DSCAM: variants seen among roughly 807,000 people sequenced by gnomAD.
DSCAM encodes DS cell adhesion molecule.
In DSCAM, 47 loss-of-function variants were observed where a neutral mutation model predicts 217.7. That is an observed-to-expected ratio of 0.22 (90% CI 0.17 to 0.28). The LOEUF (loss-of-function observed/expected upper bound fraction) is 0.28. DSCAM is among the 10% of genes least tolerant of loss of function. DSCAM has a pLI of 1.00. For missense variants in DSCAM, 2,080 were observed against 2,618.3 expected (o/e 0.79, Z 4.49); for synonymous variants, 1,056 against 1,015.3 (o/e 1.04, Z -0.76).
chr21:40,614,907 C>T (rs576740857), intron 3 of DSCAM, among the ~76,000 whole-genome samples: 1 of 152,172 alleles, frequency 6.6e-6, no homozygotes, highest in Non-Finnish European at 1.5e-5. Context: ...TCTCTATATA[C>T]ACACACTTAT....
intron 1 of DSCAM, among the ~76,000 whole-genome samples, chr21:40,789,617 A>T (rs984773838): frequency 3.3e-4 from 48 of 144,876 alleles, no homozygotes; most frequent in Non-Finnish European, 3.3e-4. Context: ...GTGCAGTGGC[A>T]CCATGTTGGC....
chr21:40,550,655 C>T (rs2076622555), intron 3 of DSCAM, among the ~76,000 whole-genome samples: 1 of 152,202 alleles, frequency 6.6e-6, no homozygotes, highest in Admixed American at 6.5e-5. Context: ...GTGGATATTT[C>T]TCTAGAGTAG....
At chr21:40,484,025 C>T (rs1008600164) in intron 3 of DSCAM, among the ~76,000 whole-genome samples, 3 of 152,162 alleles carry the variant, frequency 2.0e-5, no homozygotes, top group East Asian at 1.9e-4. Context: ...GTTAATTCTA[C>T]GGGGCAGGAT....
chr21:40,752,956 G>GAA (rs2091243019), intron 1 of DSCAM, among the ~76,000 whole-genome samples: 1 of 152,188 alleles, frequency 6.6e-6, no homozygotes, highest in Admixed American at 6.5e-5. Flanking sequence ...AGCAATGGGA[G>GAA]AAAATATGGA....
At position 40,695,925 on chromosome 21, in the gene DSCAM, C is replaced by T. The variant is rs140596579; in HGVS notation, c.362-2969G>A. On this transcript the variant is annotated intron_variant, in intron 2 of 32. Coordinates refer to ENST00000400454, the MANE Select transcript of DSCAM (RefSeq NM_001389.5). ...TCCATAACTTAAGACACCAACATTG[C>T]TGTCTATGGCGATATATCTCTCAGA... Among the ~76,000 whole-genome samples the T allele has an allele frequency of 4.3e-3, 654 of 152,236 alleles. 7 individuals are homozygous for T. Among genetic ancestry groups the T allele is most frequent in the African/African-American group, 0.015 (615 of 41,538 alleles).
chr21:40,721,794 C>T (rs1280591916), intron 1 of DSCAM, among the ~76,000 whole-genome samples: 1 of 151,904 alleles, frequency 6.6e-6, no homozygotes, highest in Admixed American at 6.6e-5. Context: ...TTAATGAACA[C>T]TAGAACCTCA....
At chr21:40,031,191 C>T (rs982084641) in intron 32 of DSCAM, among the ~76,000 whole-genome samples, 2 of 152,170 alleles carry the variant, frequency 1.3e-5, no homozygotes, top group East Asian at 1.9e-4. Context: ...GCCAGTTCCT[C>T]GAGAGGTGGA....
chr21:40,434,481 T>C (rs2075565306), intron 3 of DSCAM, among the ~76,000 whole-genome samples: 1 of 152,150 alleles, frequency 6.6e-6, no homozygotes, highest in Non-Finnish European at 1.5e-5. Flanking sequence ...GGCAAGACCA[T>C]GCACACTACA....
At chr21:40,039,995 C>A (rs1319594247) in intron 32 of DSCAM, among the ~76,000 whole-genome samples, 1 of 152,214 alleles carries the variant, frequency 6.6e-6, no homozygotes, top group Non-Finnish European at 1.5e-5. Flanking sequence ...GCTCTAGGAG[C>A]TGCTAATTGT....
At chr21:40,226,819 G>T (rs1601460633) in intron 11 of DSCAM, among the ~76,000 whole-genome samples, 1 of 152,228 alleles carries the variant, frequency 6.6e-6, no homozygotes, top group East Asian at 1.9e-4. Context: ...TGTCACGGGG[G>T]TTTGTTGTAC....
chr21:40,738,411 C>T (rs905455583), intron 1 of DSCAM, among the ~76,000 whole-genome samples: 2 of 152,104 alleles, frequency 1.3e-5, no homozygotes, highest in Non-Finnish European at 1.5e-5. Context: ...TAAGGACAAT[C>T]CTAACTGTTG....
chr21:40,844,804 C>T (rs2092131173), intron 1 of DSCAM, among the ~76,000 whole-genome samples: 2 of 151,780 alleles, frequency 1.3e-5, no homozygotes, highest in Non-Finnish European at 2.9e-5. Flanking sequence ...TTTTGTCATA[C>T]AAAATGCTAA....
At chr21:40,082,528 A>T (rs969031793) in intron 24 of DSCAM, among the ~76,000 whole-genome samples, 6 of 115,124 alleles carry the variant, frequency 5.2e-5, no homozygotes, top group African/African-American at 2.0e-4. Flanking sequence ...TGTGCTGTGC[A>T]TCTGCAGCTG....
chr21:40,300,275 C>A (rs1456887262), intron 9 of DSCAM, among the ~76,000 whole-genome samples: 3 of 152,208 alleles, frequency 2.0e-5, no homozygotes, highest in African/African-American at 7.2e-5. Flanking sequence ...TCCTGTTCAC[C>A]ATCCATTAAG....
intron 16 of DSCAM, 88 bp downstream of exon 16, chr21:40,167,130 G>A: frequency 1.7e-6 from 2 of 1,155,164 alleles, no homozygotes; most frequent in South Asian, 1.5e-5. Flanking sequence ...TGTAAAATTC[G>A]AGAGTCTTGG....
intron 11 of DSCAM, among the ~76,000 whole-genome samples, chr21:40,192,967 C>A (rs748182021): frequency 5.3e-5 from 8 of 152,102 alleles, no homozygotes; most frequent in Non-Finnish European, 1.0e-4. Flanking sequence ...GGTTATATGG[C>A]AATTTCATGT....
chr21:40,378,835 C>T (rs1012025282), intron 3 of DSCAM, among the ~76,000 whole-genome samples: 6 of 151,780 alleles, frequency 4.0e-5, no homozygotes, highest in Non-Finnish European at 7.4e-5. Context: ...CCTCGTGATC[C>T]GCCCGCCTCG....
rs1414480537 is a variant in DSCAM, at chr21:40,027,237, G to A, written c.5687-13851C>T. 6.9e-4 allele frequency among the ~76,000 whole-genome samples: 105 copies of A among 152,354 alleles called. No homozygotes were observed. In the East Asian group the frequency reaches 0.013, roughly 18 times the overall value. ...TCTTCTGGCTTGTAGGGTTTCTGCC[G>A]AGAGATCCACTGTTAGTCTGATGGG... On this transcript the variant is annotated intron_variant, in intron 32 of 32. Coordinates refer to ENST00000400454, the MANE Select transcript of DSCAM (RefSeq NM_001389.5).
At chr21:40,753,456 G>A (rs890908292) in intron 1 of DSCAM, among the ~76,000 whole-genome samples, 3 of 152,162 alleles carry the variant, frequency 2.0e-5, no homozygotes, top group Admixed American at 6.5e-5. Flanking sequence ...ATTACCTACG[G>A]AAAGATGAAG....
Sources: gnomAD v4.1 joint callset for allele counts (sites outside exome capture counted in the v4.1 genomes callset) on GRCh38, gnomAD v4.1.1 for gene constraint, MANE v1.5 for transcripts, NCBI Gene and HGNC (gene_info 2026-07-23, HGNC 2026-07-21) for gene names.